The following FAM237A variants were observed in gnomAD, a reference collection of about 807,000 sequenced individuals.
FAM237A encodes the protein family with sequence similarity 237 member A.
In FAM237A, 14 loss-of-function variants were observed where a neutral mutation model predicts 12.5. The ratio of observed to expected loss-of-function variants is 1.12; its 90% CI spans 0.74 to 1.75. The LOEUF is 1.75. Among genes scored for constraint, FAM237A ranks in the 40% most tolerant of loss-of-function variants. FAM237A has a pLI of 0.00. For synonymous variants in FAM237A, 85 were observed against 77.5 expected, an observed-to-expected ratio of 1.10 and a Z score of -0.51; for missense variants, 240 against 211.7, an observed-to-expected ratio of 1.13 and a Z score of -0.83.
chr2:206,643,502 A>G (rs1052175431), intron 1 of FAM237A: 5 of 152,208 alleles, frequency 3.3e-5, no homozygotes, highest in Admixed American at 1.3e-4. Context: ...GAAAAGTTGA[A>G]TGAGAGTCAC....
Position 206,644,559 on chromosome 2 carries a change from C to T in FAM237A, c.323C>T (p.Ser108Phe), listed in dbSNP as rs1259846104. The change falls in exon 2 of 3, where the codon TCT becomes TTT. Residue 108 changes from serine (S) to phenylalanine (F), a missense_variant. Physicochemically the swap from Ser to Phe is radical, Grantham distance 155. Transcript: ENST00000441223. ...GACATCTATGTGGACTGTGTGCTCT[C>T]TAGGAACCATGGCTTAGGAAGGAGG... ...FWDIYVDCVLSRNHGLGRRQL... is the reference protein window; with the variant it reads ...FWDIYVDCVLFRNHGLGRRQL... 1 of 1,613,742 alleles carries T rather than the reference C, an allele frequency of 6.2e-7. No homozygotes were observed. The highest frequency in any genetic ancestry group is 8.5e-7 in the Non-Finnish European group (1 of 1,179,838).
intron 2 of FAM237A, among the ~76,000 whole-genome samples, chr2:206,647,632 GACACACACACACAC>G (rs34672675): frequency 4.3e-5 from 6 of 139,546 alleles, no homozygotes; most frequent in Non-Finnish European, 7.7e-5. Context: ...GAGACACACA[GACACACACACACAC>G]ACACACACAC....
intron 2 of FAM237A, among the ~76,000 whole-genome samples, chr2:206,646,725 C>T (rs1163316378): frequency 6.6e-6 from 1 of 152,182 alleles, no homozygotes; most frequent in African/African-American, 2.4e-5. Flanking sequence ...AATACCATGT[C>T]CAACAGTTAA....
chr2:206,645,172 G>T (rs186043113), intron 2 of FAM237A, among the ~76,000 whole-genome samples: 1 of 152,298 alleles, frequency 6.6e-6, no homozygotes. Flanking sequence ...GAGTAAAAAA[G>T]TCAGCTGGCA....
In FAM237A at chr2:206,643,355, A is replaced by C. The variant is rs1225982954; in HGVS notation, c.-11+773A>C. 4 of 151,760 alleles carry C rather than the reference A, an allele frequency of 2.6e-5. No homozygotes were observed. In the East Asian group the frequency reaches 7.7e-4, roughly 29 times the overall value. 9.4% of individuals were successfully genotyped at this position (151,760 alleles called of 1,614,324 possible). A position where few individuals can be genotyped will look rare whatever the true frequency, so the allele number is the denominator to read the frequency against. On this transcript the variant is annotated intron_variant, in intron 1 of 2. Transcript: ENST00000441223. ...AAGGAATATATACACTTTTTCTGGC[A>C]AAAAAAGTGAACATTTGGGTTATTA...
chr2:206,648,475 C>CT (rs1221356738), intron 2 of FAM237A, among the ~76,000 whole-genome samples, 186 bp from the exon 3 acceptor site: 2 of 152,096 alleles, frequency 1.3e-5, no homozygotes, highest in Non-Finnish European at 2.9e-5. Context: ...TATAACTAAA[C>CT]TGCATAGGAC....
chr2:206,646,177 C>T (rs1043428208), intron 2 of FAM237A, among the ~76,000 whole-genome samples: 20 of 152,070 alleles, frequency 1.3e-4, no homozygotes, highest in Admixed American at 1.2e-3. Flanking sequence ...GTGGCGGGCA[C>T]CTGTAGTCCC....
rs1395648042 is a variant in FAM237A, at chr2:206,646,663, A to G, written c.413-1998A>G. On this transcript the variant is annotated intron_variant, in intron 2 of 2. Coordinates refer to ENST00000441223, the MANE Select transcript of FAM237A (RefSeq NM_001102659.3). Reference sequence around the variant, plus strand: ...AATTGTTTGCAGACCAAGAAACAAGACTTTCCATTTGGTTTGTATAACCAC... The same window carrying G: ...AATTGTTTGCAGACCAAGAAACAAGGCTTTCCATTTGGTTTGTATAACCAC... 3.9e-5 allele frequency among the ~76,000 whole-genome samples: 6 copies of G among 152,318 alleles called. No homozygotes were observed. The East Asian group carries it at 1.2e-3, about 29-fold the overall frequency.
rs1699295819 is a variant in FAM237A, at chr2:206,644,666, C to T, written c.412+18C>T. ...TAAACAAGGTGGTCAACCCCAGCTC[C>T]CATGTCTTTTGAAAGGGTCAATCAA... On this transcript the variant is annotated intron_variant, in intron 2 of 2. Transcript: ENST00000441223. 5 of 1,529,082 alleles carry T rather than the reference C, an allele frequency of 3.3e-6. No individual in the cohort carries two copies. The highest frequency in any genetic ancestry group is 4.5e-5 in the East Asian group (2 of 44,146). 94.7% of individuals were successfully genotyped at this position (1,529,082 alleles called of 1,614,324 possible). A position where few individuals can be genotyped will look rare whatever the true frequency, so the allele number is the denominator to read the frequency against.
chr2:206,644,266 C>A lies in FAM237A; in HGVS notation c.30C>A (p.Ile10=). The part of the protein sequence containing the change: MADPGNRGG[I]HRPLSFTCSL... ...CTGATCCTGGGAACAGAGGAGGGAT[C>A]CACCGCCCCTTGAGCTTCACCTGCT... The change falls in exon 2 of 3, where the codon ATC becomes ATA. Residue 10 remains isoleucine (I), a synonymous_variant. Coordinates refer to ENST00000441223, the MANE Select transcript of FAM237A (RefSeq NM_001102659.3). 1 of 1,608,344 alleles carries A rather than the reference C, an allele frequency of 6.2e-7. No homozygotes were observed. Among genetic ancestry groups the A allele is most frequent in the Non-Finnish European group, 8.5e-7 (1 of 1,177,066 alleles).
intron 2 of FAM237A, among the ~76,000 whole-genome samples, chr2:206,647,051 A>C (rs1699325952): frequency 1.3e-5 from 2 of 152,254 alleles, no homozygotes; most frequent in South Asian, 4.1e-4. Flanking sequence ...CTTACTATGA[A>C]TCATACTTTG....
Position 206,644,625 on chromosome 2 carries a change from C to A in FAM237A, c.389C>A (p.Pro130Gln). 1 of 1,593,542 alleles carries A rather than the reference C, an allele frequency of 6.3e-7. No individual in the cohort carries two copies. Among genetic ancestry groups the A allele is most frequent in the Non-Finnish European group, 8.5e-7 (1 of 1,171,066 alleles). The change falls in exon 2 of 3, where the codon CCA becomes CAA. Residue 130 changes from proline to glutamine, a missense_variant. By Grantham distance (76) the Pro-to-Gln change is moderately conservative (BLOSUM62 -1). Coordinates refer to ENST00000441223, the MANE Select transcript of FAM237A (RefSeq NM_001102659.3). ...GAAGAGAAAATCTCAGCAGCGCAGC[C>A]ACAGCACACAAGGAGTAAACAAGGT... ...GEEEKISAAQPQHTRSKQGTY... is the reference protein window; with the variant it reads ...GEEEKISAAQQQHTRSKQGTY...
At position 206,642,688 on chromosome 2, in the gene FAM237A, C is replaced by G. The variant is rs1051200345; in HGVS notation, c.-11+106C>G. 3 of 152,520 alleles carry G rather than the reference C, an allele frequency of 2.0e-5. No homozygotes were observed. Among genetic ancestry groups the G allele is most frequent in the Admixed American group, 2.0e-4 (3 of 15,290 alleles). The allele number at this position is 152,520 out of a possible 1,614,324, so 9.4% of individuals were successfully genotyped here. On this transcript the variant is annotated intron_variant, in intron 1 of 2. Transcript: ENST00000441223. This position sits in a 1 kb window ranked among gnomAD's most constrained non-coding sequence, Gnocchi z 5.1. ...CCGAGACTCAGCGCGGGGCTCGTAG[C>G]GGGGTGCACGGAGGACTCTAGGTTC...
intron 2 of FAM237A, among the ~76,000 whole-genome samples, chr2:206,647,034 G>C (rs1443735350): frequency 6.6e-6 from 1 of 152,118 alleles, no homozygotes; most frequent in Non-Finnish European, 1.5e-5. Flanking sequence ...AAATGCAGTT[G>C]ATAAATCTTA....
rs1478714125 is a variant in FAM237A at position 206,642,691 on chromosome 2, G to C, written c.-11+109G>C. On this transcript the variant is annotated intron_variant, in intron 1 of 2. Coordinates refer to ENST00000441223, the MANE Select transcript of FAM237A (RefSeq NM_001102659.3). This position sits in a 1 kb window ranked among gnomAD's most constrained non-coding sequence, Gnocchi z 5.1. ...AGACTCAGCGCGGGGCTCGTAGCGG[G>C]GTGCACGGAGGACTCTAGGTTCAAG... 1 of 152,492 alleles carries C rather than the reference G, an allele frequency of 6.6e-6. No individual in the cohort carries two copies. Among genetic ancestry groups the C allele is most frequent in the Non-Finnish European group, 1.5e-5 (1 of 68,278 alleles). The allele number at this position is 152,492 out of a possible 1,614,324, so 9.4% of individuals were successfully genotyped here.
chr2:206,646,647 C>T (rs1699320673), intron 2 of FAM237A, among the ~76,000 whole-genome samples: 1 of 152,108 alleles, frequency 6.6e-6, no homozygotes, highest in Non-Finnish European at 1.5e-5. Flanking sequence ...AAATTGTTTG[C>T]AGACCAAGAA....
rs147520656 is a variant in FAM237A at position 206,648,378 on chromosome 2, CTA to C, written c.413-281_413-280del. On this transcript the variant is annotated intron_variant, in intron 2 of 2. Transcript: ENST00000441223. ...ATTTCTATATAAAAATATATAATGA[CTA>C]TTTTTCACTTTAAAATCAGGCAAAT... Among the ~76,000 whole-genome samples the C allele has an allele frequency of 8.4e-3, 1,281 of 152,102 alleles. 15 individuals are homozygous for C. Among genetic ancestry groups the C allele is most frequent in the African/African-American group, 0.03 (1,236 of 41,510 alleles).
chr2:206,644,855 C>T (rs1699297250), intron 2 of FAM237A, among the ~76,000 whole-genome samples: 1 of 152,160 alleles, frequency 6.6e-6, no homozygotes, highest in African/African-American at 2.4e-5. Flanking sequence ...AACATATTGT[C>T]CTCATCCTCA....
intron 2 of FAM237A, among the ~76,000 whole-genome samples, chr2:206,646,460 A>G (rs1461758840): frequency 6.6e-6 from 1 of 152,208 alleles, no homozygotes; most frequent in East Asian, 1.9e-4. Flanking sequence ...ATATATACTT[A>G]TTTTATAAAG....
Sources: gnomAD v4.1 joint callset for allele counts (sites outside exome capture counted in the v4.1 genomes callset) on GRCh38, gnomAD v4.1.1 for gene constraint, Gnocchi (gnomAD v3.1) non-coding constraint, MANE v1.5 for transcripts, NCBI Gene and HGNC (gene_info 2026-07-23, HGNC 2026-07-21) for gene names.